The following CNOT2 variants were observed in gnomAD, a reference collection of about 807,000 sequenced individuals.
The protein encoded by CNOT2 is CC chemokine receptor 4-negative regulator of transcription 2.
CNOT2 carries 7 observed loss-of-function variants against 72.1 expected under a neutral mutation model. The observed-to-expected ratio is 0.10, with a 90% CI of 0.06 to 0.18. The LOEUF is 0.18. CNOT2 is among the 10% of genes least tolerant of loss of function. CNOT2 has a pLI of 1.00. For missense variants in CNOT2, 345 were observed against 660.3 expected (o/e 0.52, Z 5.23); for synonymous variants, 196 against 225.6 (o/e 0.87, Z 1.17).
chr12:70,329,801 A>G (rs932960652), intron 5 of CNOT2, among the ~76,000 whole-genome samples: 1 of 151,946 alleles, frequency 6.6e-6, no homozygotes, highest in Non-Finnish European at 1.5e-5. Flanking sequence ...ATCAAGGGTT[A>G]ATCATTTCCT....
chr12:70,244,709 A>G (rs1957794270), intron 1 of CNOT2, among the ~76,000 whole-genome samples: 1 of 152,198 alleles, frequency 6.6e-6, no homozygotes, highest in Non-Finnish European at 1.5e-5. Flanking sequence ...TCCTTTTAAA[A>G]TCGTTTGGGC....
chr12:70,304,101 C>T (rs995156916), intron 2 of CNOT2, among the ~76,000 whole-genome samples: 9 of 152,198 alleles, frequency 5.9e-5, no homozygotes, highest in South Asian at 2.1e-4. Flanking sequence ...GTTATCCATT[C>T]GTCTAATTTT....
chr12:70,243,266 C>T (rs1016892852), upstream of CNOT2: 6 of 152,648 alleles, frequency 3.9e-5, no homozygotes, highest in Non-Finnish European at 7.3e-5. Flanking sequence ...TGAAGCGCCT[C>T]TCTCCACCTT....
chr12:70,354,877 T>G lies in CNOT2; in HGVS notation c.*962T>G, dbSNP rs551625059. The G allele has an allele frequency of 6.5e-6, 1 of 152,744 alleles. No homozygotes were observed. The highest frequency in any genetic ancestry group is 1.9e-4 in the East Asian group (1 of 5,186). The allele number at this position is 152,744 out of a possible 1,614,324, so 9.5% of individuals were successfully genotyped here. On this transcript the variant is annotated 3_prime_UTR_variant, in exon 16 of 16. Transcript: ENST00000229195. ...CTTAAAAGAAGTGAACTGAGACAAT[T>G]CACTCTGGCTGTTTGAACAGCAGCG...
chr12:70,303,599 T>C (rs554485465), intron 2 of CNOT2, among the ~76,000 whole-genome samples: 105 of 152,358 alleles, frequency 6.9e-4, no homozygotes, highest in Admixed American at 5.6e-3. Flanking sequence ...TTTAGTCCGA[T>C]GGGCTTCCCT....
chr12:70,334,092 T>C (rs1880336050), intron 7 of CNOT2, among the ~76,000 whole-genome samples: 1 of 151,994 alleles, frequency 6.6e-6, no homozygotes, highest in South Asian at 2.1e-4. Flanking sequence ...TTATTAACTT[T>C]ATTAGGTTGA....
intron 1 of CNOT2, among the ~76,000 whole-genome samples, chr12:70,247,359 T>C (rs1213117057): frequency 6.6e-6 from 1 of 152,094 alleles, no homozygotes; most frequent in Non-Finnish European, 1.5e-5. Context: ...TTTCACCATG[T>C]TGGTCAGGCA....
intron 2 of CNOT2, among the ~76,000 whole-genome samples, chr12:70,284,735 C>T (rs745379701): frequency 6.6e-5 from 10 of 152,084 alleles, no homozygotes; most frequent in Non-Finnish European, 5.9e-5. Flanking sequence ...ATGCATTATA[C>T]GTTCTGATAC....
intron 2 of CNOT2, among the ~76,000 whole-genome samples, chr12:70,293,490 C>G (rs1041871826): frequency 2.0e-5 from 3 of 152,116 alleles, no homozygotes; most frequent in African/African-American, 7.2e-5. Flanking sequence ...ATCCTATATT[C>G]AGATTGTTTT....
intron 2 of CNOT2, among the ~76,000 whole-genome samples, chr12:70,283,341 T>A (rs889873405): frequency 7.9e-5 from 12 of 152,074 alleles, no homozygotes; most frequent in African/African-American, 2.9e-4. Context: ...GCACCTGTAG[T>A]CCTAGCTACT....
intron 2 of CNOT2, chr12:70,294,127 G>A: frequency 7.8e-7 from 1 of 1,288,914 alleles, no homozygotes; most frequent in South Asian, 1.2e-5. Flanking sequence ...CTGTTTGCTG[G>A]AGTTGAACTT....
At chr12:70,282,306 T>C (rs1485513635) in intron 2 of CNOT2, among the ~76,000 whole-genome samples, 1 of 152,192 alleles carries the variant, frequency 6.6e-6, no homozygotes, top group African/African-American at 2.4e-5. Context: ...ATCTACAAAC[T>C]GGGTCTAATG....
intron 7 of CNOT2, 49 bp from the exon 8 acceptor site, chr12:70,335,389 T>TA: frequency 7.1e-7 from 1 of 1,407,148 alleles, no homozygotes; most frequent in Non-Finnish European, 1.0e-6. Context: ...TATAATCTCT[T>TA]AAAAAATATT....
At chr12:70,325,233 T>C (rs1211974705) in intron 4 of CNOT2, among the ~76,000 whole-genome samples, 1 of 151,848 alleles carries the variant, frequency 6.6e-6, no homozygotes, top group Non-Finnish European at 1.5e-5. Flanking sequence ...AGTAAAATGC[T>C]TGTTAAGGTT....
chr12:70,303,943 C>T (rs1179487199), intron 2 of CNOT2, among the ~76,000 whole-genome samples: 1 of 152,158 alleles, frequency 6.6e-6, no homozygotes, highest in East Asian at 1.9e-4. Flanking sequence ...CTTCTCGCTG[C>T]ATTTCATTCA....
intron 6 of CNOT2, chr12:70,330,701 G>T: frequency 2.4e-6 from 1 of 411,210 alleles, no homozygotes; most frequent in South Asian, 5.1e-5. Flanking sequence ...GTTAGAAAAG[G>T]ATTGTTCTTG....
intron 1 of CNOT2, among the ~76,000 whole-genome samples, chr12:70,249,370 A>G (rs1443679260): frequency 6.7e-6 from 1 of 149,110 alleles, no homozygotes; most frequent in African/African-American, 2.5e-5. Flanking sequence ...GGACTTTTAT[A>G]TACATTATCT....
At chr12:70,329,103 G>A (rs1225518589) in intron 4 of CNOT2, among the ~76,000 whole-genome samples, 1 of 151,722 alleles carries the variant, frequency 6.6e-6, no homozygotes, top group Non-Finnish European at 1.5e-5. Flanking sequence ...GTACATATAT[G>A]CAAATAGGCC....
At chr12:70,255,488 A>G (rs1310020923) in intron 1 of CNOT2, among the ~76,000 whole-genome samples, 3 of 152,124 alleles carry the variant, frequency 2.0e-5, no homozygotes, top group Admixed American at 2.0e-4. Context: ...TAAATACCAT[A>G]TAAGGCAAGC....
Sources: gnomAD v4.1 joint callset for allele counts (sites outside exome capture counted in the v4.1 genomes callset) on GRCh38, gnomAD v4.1.1 for gene constraint, MANE v1.5 for transcripts, NCBI Gene and HGNC (gene_info 2026-07-23, HGNC 2026-07-21) for gene names.